Variants in TUT7 observed in about 807,000 individuals in gnomAD.
TUT7 encodes terminal uridylyl transferase 7, also known as terminal uridylyltransferase 7.
In TUT7, 33 loss-of-function variants were observed where a neutral mutation model predicts 165.9. That is an observed-to-expected ratio of 0.20 (90% CI 0.15 to 0.27). The LOEUF (loss-of-function observed/expected upper bound fraction) is 0.27, where lower values mean the gene tolerates loss of function less well. Among genes scored for constraint, TUT7 ranks in the 10% least tolerant of loss-of-function variants. The pLI is 1.00. For synonymous variants in TUT7, 552 were observed against 608.1 expected (o/e 0.91, Z 1.36); for missense variants, 1,338 against 1,762.3 (o/e 0.76, Z 4.31).
chr9:86,346,200 T>C, intron 3 of TUT7, 99 bp downstream of exon 3: 6 of 1,149,050 alleles, frequency 5.2e-6, no homozygotes, highest in Non-Finnish European at 6.2e-6. Flanking sequence ...ATAACCAAAG[T>C]AGGATATCTA....
In TUT7 at chr9:86,325,341, G is replaced by A. The variant is rs746555149; in HGVS notation, c.1782C>T (p.Ala594=). 1.9e-6 allele frequency: 3 copies of A among 1,613,650 alleles called. No individual in the cohort carries two copies. The South Asian group carries it at 3.3e-5, about 18-fold the overall frequency. The change falls in exon 12 of 27, where the codon GCC becomes GCT. Residue 594 remains alanine (A), a synonymous_variant. Coordinates refer to ENST00000375963, the MANE Select transcript of TUT7 (RefSeq NM_024617.4). ...ATAAACATTTTGAGATACCTTCAATGGCAATGCGCTTTTTGGGCCAATCCT... is the reference window on the plus strand; with the variant it reads ...ATAAACATTTTGAGATACCTTCAATAGCAATGCGCTTTTTGGGCCAATCCT... The part of the protein sequence containing the change: ...ELKDWPKKRI[A]IEDPYSVKRN...
intron 10 of TUT7, among the ~76,000 whole-genome samples, chr9:86,333,132 T>G (rs1830470158): frequency 6.6e-6 from 1 of 152,226 alleles, no homozygotes; most frequent in Non-Finnish European, 1.5e-5. Flanking sequence ...AAGTGATGTT[T>G]TTGTTTTAGC....
At chr9:86,317,381 C>T in intron 16 of TUT7, 105 bp from the exon 17 acceptor site, 1 of 935,328 alleles carries the variant, frequency 1.1e-6, no homozygotes, top group Non-Finnish European at 1.7e-6. Context: ...AATTTCAAGT[C>T]AGTCTATATC....
intron 14 of TUT7, among the ~76,000 whole-genome samples, 170 bp from the exon 15 acceptor site, chr9:86,319,840 T>A (rs1241091166): frequency 9.2e-5 from 14 of 152,290 alleles, no homozygotes; most frequent in African/African-American, 1.2e-4. Flanking sequence ...GTTTGTTTTT[T>A]ATTTATTTTT....
At chr9:86,335,396 A>G (rs1207590621) in intron 10 of TUT7, among the ~76,000 whole-genome samples, 1 of 152,182 alleles carries the variant, frequency 6.6e-6, no homozygotes, top group Non-Finnish European at 1.5e-5. Flanking sequence ...TCAAGATTTA[A>G]TGACAATAAA....
In TUT7 at chr9:86,311,634, G is replaced by GGTCTCCCTCTGATGCCT. The variant is rs1364755091; in HGVS notation, c.3275-826_3275-825insAGGCATCAGAGGGAGAC. Among the ~76,000 whole-genome samples, 1 of 151,010 alleles carries GGTCTCCCTCTGATGCCT rather than the reference G, an allele frequency of 6.6e-6. No individual in the cohort carries two copies. Among genetic ancestry groups the GGTCTCCCTCTGATGCCT allele is most frequent in the Non-Finnish European group, 1.5e-5 (1 of 67,822 alleles). The stretch of plus-strand genomic sequence containing the variant: ...GGTCTCCCTCTCCCTCTCTTTCCAC[G>GGTCTCCCTCTGATGCCT]GTCTCCCTCTGATGCCGGTCTCCCT... On this transcript the variant is annotated intron_variant, in intron 17 of 26. Transcript: ENST00000375963. The surrounding 1 kb of genome is among the most constrained non-coding windows in gnomAD (Gnocchi z 4.4).
intron 18 of TUT7, 40 bp from the exon 19 acceptor site, chr9:86,310,057 G>A (rs921078821): frequency 2.1e-5 from 31 of 1,475,990 alleles, no homozygotes; most frequent in African/African-American, 3.2e-5. Flanking sequence ...TAACAATGAA[G>A]TGTAAAGGGT....
intron 10 of TUT7, among the ~76,000 whole-genome samples, chr9:86,335,679 T>C (rs1830698151): frequency 6.6e-6 from 1 of 152,194 alleles, no homozygotes; most frequent in Non-Finnish European, 1.5e-5. Context: ...GAGGACCTCA[T>C]TGGATTTTCT....
intron 25 of TUT7, 138 bp downstream of exon 25, chr9:86,302,948 A>C (rs761112152): frequency 2.1e-4 from 105 of 511,828 alleles, no homozygotes; most frequent in Admixed American, 1.2e-3. Context: ...ATTAAAAAAT[A>C]AAATAAAAAA....
At chr9:86,322,155 A>G (rs191804971) in intron 14 of TUT7, among the ~76,000 whole-genome samples, 170 bp downstream of exon 14, 65 of 152,260 alleles carry the variant, frequency 4.3e-4, no homozygotes, top group Non-Finnish European at 7.5e-4. Context: ...CATTTATTGC[A>G]TGTCCCAAAC....
intron 22 of TUT7, 129 bp downstream of exon 22, chr9:86,308,300 G>T: frequency 1.3e-6 from 1 of 761,062 alleles, no homozygotes; most frequent in Non-Finnish European, 2.0e-6. Context: ...AAGTTGGCCT[G>T]GTATGGACAA....
Position 86,338,850 on chromosome 9 carries a change from C to G in TUT7, c.1308G>C (p.Leu436Phe), listed in dbSNP as rs200349326. ...LGKLEPKLVP[L>F]VIAFRYWAKL... ...TTGCCCAGTACCTAAATGCAATCAC[C>G]AAAGGAACCAGCTTTGGTTCTAGTT... is the stretch of plus-strand genomic sequence containing the variant. The change falls in exon 9 of 27, where the codon TTG becomes TTC. Residue 436 changes from leucine (L) to phenylalanine (F), a missense_variant. Around this residue, in one of 7 missense-constraint regions of TUT7, gnomAD observed 74 missense variants for 128.5 expected, o/e 0.58. Transcript: ENST00000375963. The G allele has an allele frequency of 1.2e-6, 2 of 1,608,708 alleles. No individual in the cohort carries two copies. Among genetic ancestry groups the G allele is most frequent in the Non-Finnish European group, 1.7e-6 (2 of 1,177,488 alleles).
rs1253448307 is a variant in TUT7 at position 86,346,379 on chromosome 9, C to T, written c.622G>A (p.Val208Ile). Residue 208 changes from valine to isoleucine, a missense_variant, in exon 3 of 27, where the codon GTA becomes ATA. Val to Ile is a conservative substitution (Grantham distance 29, BLOSUM62 3). Transcript: ENST00000375963. ...DLEGPVIDESVLSTKELLGLQ... is the reference protein window; with the variant it reads ...DLEGPVIDESILSTKELLGLQ... ...CCTAGCAGCTCCTTCGTTGAAAGTA[C>T]AGACTCATCGATCACAGGGCCTTCC... 2.5e-6 allele frequency: 4 copies of T among 1,614,002 alleles called. No homozygotes were observed. The African/African-American group carries it at 5.3e-5, about 22-fold the overall frequency.
At chr9:86,341,133 C>G in intron 6 of TUT7, 80 bp from the exon 7 acceptor site, 1 of 1,178,816 alleles carries the variant, frequency 8.5e-7, no homozygotes. Context: ...CCGAAGTTCC[C>G]CAAATTCCTT....
At chr9:86,327,380 G>A (rs1829885580) in intron 11 of TUT7, among the ~76,000 whole-genome samples, 1 of 152,108 alleles carries the variant, frequency 6.6e-6, no homozygotes, top group Non-Finnish European at 1.5e-5. Context: ...CCACATGCTC[G>A]GCACTGAGTT....
intron 14 of TUT7, among the ~76,000 whole-genome samples, chr9:86,320,686 C>G (rs1829190645): frequency 6.6e-6 from 1 of 152,110 alleles, no homozygotes; most frequent in African/African-American, 2.4e-5. Context: ...GGAAATGCTA[C>G]TACTCTAATT....
At chr9:86,324,110 G>T in intron 12 of TUT7, 150 bp from the exon 13 acceptor site, 3 of 721,288 alleles carry the variant, frequency 4.2e-6, no homozygotes, top group Admixed American at 7.3e-5. Flanking sequence ...AAAAACTGGG[G>T]GTGGGGAGTA....
Position 86,322,426 on chromosome 9 carries a change from T to C in TUT7, c.2927A>G (p.Lys976Arg), listed in dbSNP as rs1240345863. 1.2e-6 allele frequency: 2 copies of C among 1,614,122 alleles called. No homozygotes were observed. The highest frequency in any genetic ancestry group is 2.2e-5 in the South Asian group (2 of 91,076). Residue 976 changes from lysine to arginine, a missense_variant, in exon 14 of 27, where the codon AAG (lysine) becomes AGG (arginine). Lys to Arg is a conservative substitution (Grantham distance 26, BLOSUM62 2). Coordinates refer to ENST00000375963, the MANE Select transcript of TUT7 (RefSeq NM_024617.4). ...TCTTTTGAAGTCTTCAGGACAGTCC[T>C]TCTTTAGATGACCCTCTCGTTTGCA... ...SLCKREGHLKKDCPEDFKRIQ... is the reference protein window; with the variant it reads ...SLCKREGHLKRDCPEDFKRIQ...
Position 86,301,483 on chromosome 9 carries a change from T to C in TUT7, c.4213A>G (p.Thr1405Ala). Reference protein sequence around the residue: ...HNKYTEREVSTKEDKPIQCTP... With the variant: ...HNKYTEREVSAKEDKPIQCTP... Reference sequence around the variant, plus strand: ...CACTGTATGGGCTTATCTTCTTTTGTTGACACCTCCCTTTCTGTGTACTTG... The same window carrying C: ...CACTGTATGGGCTTATCTTCTTTTGCTGACACCTCCCTTTCTGTGTACTTG... Residue 1405 changes from threonine (T) to alanine (A), a missense_variant, in exon 26 of 27, where the codon ACA (threonine) becomes GCA (alanine). Around this residue, in one of 7 missense-constraint regions of TUT7, gnomAD observed 167 missense variants for 204.9 expected, o/e 0.82. Coordinates refer to ENST00000375963, the MANE Select transcript of TUT7 (RefSeq NM_024617.4). 5.6e-6 allele frequency: 9 copies of C among 1,614,206 alleles called. No individual in the cohort carries two copies. Among genetic ancestry groups the C allele is most frequent in the Non-Finnish European group, 7.6e-6 (9 of 1,180,044 alleles).
Sources: gnomAD v4.1 joint callset for allele counts (sites outside exome capture counted in the v4.1 genomes callset) on GRCh38, gnomAD v4.1.1 for gene constraint, gnomAD v4.1.1 regional missense constraint, Gnocchi (gnomAD v3.1) non-coding constraint, MANE v1.5 for transcripts, NCBI Gene and HGNC (gene_info 2026-07-23, HGNC 2026-07-21) for gene names.